The following CHLSN variants were observed in gnomAD, a reference collection of about 807,000 sequenced individuals.
CHLSN encodes the protein protein cholesin.
chr7:983,728 T>C, the CHLSN span, among the ~76,000 whole-genome samples: 16,084 of 152,258 alleles, frequency 0.11, 899 homozygotes, highest in African/African-American at 0.16. Flanking sequence ...CCTGGGCCTG[T>C]CGGCTGCCTG....
chr7:1,019,212 CGG>C, the CHLSN span, among the ~76,000 whole-genome samples: 1 of 18,786 alleles, frequency 5.3e-5, no homozygotes, highest in East Asian at 9.2e-4. Context: ...AAAAAAAAAA[CGG>C]GGGGGGGGGA....
chr7:1,043,014 A>G, the CHLSN span, among the ~76,000 whole-genome samples: 3 of 151,774 alleles, frequency 2.0e-5, no homozygotes, highest in African/African-American at 4.8e-5. Context: ...CACTTTGGGA[A>G]GCCCAGGCAG....
the CHLSN span, chr7:983,465 G>T: frequency 2.3e-6 from 3 of 1,297,484 alleles, no homozygotes; most frequent in South Asian, 5.3e-5. Flanking sequence ...AGCCCAGCCC[G>T]GTTTCCACTG....
chr7:1,136,279 T>C, the CHLSN span, among the ~76,000 whole-genome samples: 1 of 110,064 alleles, frequency 9.1e-6, no homozygotes, highest in Admixed American at 1.1e-4. Context: ...ATATATAAAA[T>C]ATATATAAAT....
At chr7:1,119,446 C>T in the CHLSN span, among the ~76,000 whole-genome samples, 1 of 152,114 alleles carries the variant, frequency 6.6e-6, no homozygotes, top group East Asian at 1.9e-4. Context: ...AAATCTTAAG[C>T]GCCTCAAAGG....
chr7:1,023,628 C>A, the CHLSN span, among the ~76,000 whole-genome samples: 1 of 23,774 alleles, frequency 4.2e-5, no homozygotes, highest in African/African-American at 1.8e-4. This position sits in a 1 kb window ranked among gnomAD's most constrained non-coding sequence, Gnocchi z 5.0. Flanking sequence ...CCAGGAAACA[C>A]ACACACACAC....
chr7:1,025,882 G>A, the CHLSN span: 1 of 152,296 alleles, frequency 6.6e-6, no homozygotes, highest in Non-Finnish European at 1.5e-5. Flanking sequence ...TCTGGCACAG[G>A]ACAGACACCC....
At chr7:995,695 G>A in the CHLSN span, among the ~76,000 whole-genome samples, 9 of 152,390 alleles carry the variant, frequency 5.9e-5, no homozygotes, top group East Asian at 5.8e-4. Flanking sequence ...CGCAGGCACC[G>A]CCTGGCAGAT....
chr7:1,054,983 G>T, the CHLSN span, among the ~76,000 whole-genome samples: 2 of 152,096 alleles, frequency 1.3e-5, no homozygotes, highest in Non-Finnish European at 2.9e-5. Context: ...AACATCTCAA[G>T]CACACTGAAC....
At chr7:1,015,946 T>A in the CHLSN span, among the ~76,000 whole-genome samples, 4 of 145,480 alleles carry the variant, frequency 2.7e-5, no homozygotes, top group East Asian at 2.0e-4. Context: ...CTGACGCCCC[T>A]CAGTGACCCT....
chr7:1,119,447 G>A, the CHLSN span, among the ~76,000 whole-genome samples: 10 of 152,256 alleles, frequency 6.6e-5, no homozygotes, highest in South Asian at 4.1e-4. Context: ...AATCTTAAGC[G>A]CCTCAAAGGA....
chr7:1,038,311 T>G, the CHLSN span, among the ~76,000 whole-genome samples: 3 of 71,638 alleles, frequency 4.2e-5, no homozygotes, highest in South Asian at 5.7e-4. Flanking sequence ...GGTGGGGGGG[T>G]CAGCCCCCCG....
the CHLSN span, among the ~76,000 whole-genome samples, chr7:1,013,389 G>A: frequency 1.3e-5 from 2 of 152,210 alleles, no homozygotes; most frequent in Non-Finnish European, 2.9e-5. Context: ...GAATCCCAGT[G>A]TCAAATAAAA....
the CHLSN span, among the ~76,000 whole-genome samples, chr7:1,136,526 A>ATAAATATATG: frequency 7.2e-3 from 878 of 122,626 alleles, 26 homozygotes; most frequent in Non-Finnish European, 9.4e-3. Context: ...ATAAATATAT[A>ATAAATATATG]TAAACATATA....
the CHLSN span, among the ~76,000 whole-genome samples, chr7:1,070,882 ATGCACACACG>A: frequency 3.4e-5 from 5 of 148,662 alleles, no homozygotes; most frequent in African/African-American, 1.3e-4. Flanking sequence ...ACACGTGCAC[ATGCACACACG>A]TGCACACACA....
At chr7:1,015,082 A>T in the CHLSN span, among the ~76,000 whole-genome samples, 1 of 152,212 alleles carries the variant, frequency 6.6e-6, no homozygotes, top group Non-Finnish European at 1.5e-5. Context: ...CCAAAAGGAC[A>T]GTGACCCCTG....
the CHLSN span, among the ~76,000 whole-genome samples, chr7:1,076,400 C>G: frequency 6.6e-6 from 1 of 152,208 alleles, no homozygotes; most frequent in Non-Finnish European, 1.5e-5. Flanking sequence ...TGCTGCTCCG[C>G]AGGAGGCTGG....
chr7:1,057,756 C>G, the CHLSN span: 3 of 775,844 alleles, frequency 3.9e-6, no homozygotes. Context: ...CGCCCTGGCC[C>G]CTGTGCACCT....
At chr7:1,049,300 G>A in the CHLSN span, among the ~76,000 whole-genome samples, 1 of 152,266 alleles carries the variant, frequency 6.6e-6, no homozygotes, top group Non-Finnish European at 1.5e-5. Flanking sequence ...CCAAAGATCT[G>A]CAGGCGTCAT....
Sources: gnomAD v4.1 joint callset for allele counts (sites outside exome capture counted in the v4.1 genomes callset) on GRCh38, gnomAD v4.1.1 for gene constraint, Gnocchi (gnomAD v3.1) non-coding constraint, MANE v1.5 for transcripts, NCBI Gene and HGNC (gene_info 2026-07-23, HGNC 2026-07-21) for gene names.